AOPEP: variants seen among roughly 807,000 people sequenced by gnomAD.
AOPEP encodes the protein aminopeptidase O.
In AOPEP, 77 loss-of-function variants were observed where a neutral mutation model predicts 98.1. The observed-to-expected ratio is 0.78, with a 90% CI of 0.65 to 0.95. The LOEUF (loss-of-function observed/expected upper bound fraction) is 0.95, where lower values mean the gene tolerates loss of function less well. Among genes scored for constraint, AOPEP ranks in the 40% least tolerant of loss-of-function variants. The pLI is 0.00. For synonymous variants in AOPEP, 346 were observed against 365.3 expected, an observed-to-expected ratio of 0.95 and a Z score of 0.60; for missense variants, 1,024 against 1,024.7, an observed-to-expected ratio of 1.00 and a Z score of 0.01.
At chr9:94,971,088 A>G (rs1475471472) in intron 10 of AOPEP, among the ~76,000 whole-genome samples, 2 of 152,128 alleles carry the variant, frequency 1.3e-5, no homozygotes, top group African/African-American at 4.8e-5. Context: ...GTTCATTTGG[A>G]TGGCCCCTGA....
chr9:94,775,503 A>T (rs191275650), intron 3 of AOPEP, among the ~76,000 whole-genome samples: 1 of 151,906 alleles, frequency 6.6e-6, no homozygotes, highest in East Asian at 1.9e-4. Flanking sequence ...AGTAGCTGGG[A>T]CTACAGGCAT....
At chr9:94,888,464 G>A (rs1392875836) in intron 5 of AOPEP, among the ~76,000 whole-genome samples, 2 of 152,242 alleles carry the variant, frequency 1.3e-5, no homozygotes, top group South Asian at 2.1e-4. Flanking sequence ...ATCAAAACCA[G>A]CAAATTCACA....
At chr9:94,884,925 C>T (rs1369245559) in intron 5 of AOPEP, among the ~76,000 whole-genome samples, 3 of 148,742 alleles carry the variant, frequency 2.0e-5, no homozygotes, top group South Asian at 2.1e-4. Context: ...AGGAGAATGG[C>T]GTGAACCCGG....
chr9:95,006,026 T>G (rs1564512897), intron 13 of AOPEP: 2 of 475,116 alleles, frequency 4.2e-6, no homozygotes, highest in Non-Finnish European at 8.7e-6. Context: ...ATCTAAGAAA[T>G]AGAGAGAGAA....
chr9:94,742,213 A>G (rs2131966685), intron 1 of AOPEP, among the ~76,000 whole-genome samples: 1 of 152,278 alleles, frequency 6.6e-6, no homozygotes, highest in South Asian at 2.1e-4. Flanking sequence ...AAAGTTGATC[A>G]TTGATTGGGT....
intron 3 of AOPEP, among the ~76,000 whole-genome samples, chr9:94,788,440 C>T (rs537327029): frequency 5.2e-4 from 78 of 150,624 alleles, no homozygotes; most frequent in Non-Finnish European, 9.9e-4. Context: ...CTTATTATTT[C>T]TGTACATGTT....
intron 11 of AOPEP, among the ~76,000 whole-genome samples, chr9:94,992,492 G>C (rs531995396): frequency 8.1e-4 from 123 of 152,356 alleles, no homozygotes; most frequent in African/African-American, 2.6e-3. Flanking sequence ...AAGATTGGAG[G>C]CTGGGTAGAG....
chr9:94,969,447 G>A (rs1400735623), intron 10 of AOPEP, among the ~76,000 whole-genome samples: 1 of 142,630 alleles, frequency 7.0e-6, no homozygotes, highest in Non-Finnish European at 1.5e-5. Flanking sequence ...GTCTTACTCT[G>A]TCACCCAGGC....
At chr9:94,968,277 G>A (rs988507315) in intron 10 of AOPEP, among the ~76,000 whole-genome samples, 2 of 152,090 alleles carry the variant, frequency 1.3e-5, no homozygotes, top group Admixed American at 1.3e-4. Context: ...GAGATGGAGT[G>A]TCACTCTGTC....
chr9:95,082,483 G>T lies in AOPEP; in HGVS notation c.2320-92G>T, dbSNP rs142499823. 3.3e-4 allele frequency: 453 copies of T among 1,390,966 alleles called. No homozygotes were observed. The African/African-American group carries it at 5.6e-3, about 17-fold the overall frequency. The allele number at this position is 1,390,966 out of a possible 1,614,324, so 86.2% of individuals were successfully genotyped here. A position where few individuals can be genotyped will look rare whatever the true frequency, so the allele number is the denominator to read the frequency against. ...CTTTGCAATTTCTAGACCAGCAAGT[G>T]TGTGTGGAACAAGCACAGACTGAGC... On this transcript the variant is annotated intron_variant, in intron 15 of 16. Transcript: ENST00000375315.
At chr9:95,101,730 T>G in the AOPEP span, 18 of 1,613,972 alleles carry the variant, frequency 1.1e-5, no homozygotes, top group Non-Finnish European at 1.5e-5. Context: ...CGCAGCTCTT[T>G]AAGGAGCTCT....
chr9:94,736,400 T>G (rs1831784671), intron 1 of AOPEP, among the ~76,000 whole-genome samples: 2 of 152,340 alleles, frequency 1.3e-5, no homozygotes, highest in African/African-American at 2.4e-5. Flanking sequence ...ATAGTATTCT[T>G]TAGCATTTCT....
At chr9:94,991,273 A>C (rs2060877032) in intron 11 of AOPEP, among the ~76,000 whole-genome samples, 1 of 152,230 alleles carries the variant, frequency 6.6e-6, no homozygotes, top group Admixed American at 6.5e-5. Context: ...TGTGGTACCA[A>C]ATAGGTATAC....
intron 1 of AOPEP, among the ~76,000 whole-genome samples, chr9:94,731,985 A>G (rs1039633744): frequency 6.6e-6 from 1 of 151,714 alleles, no homozygotes; most frequent in Non-Finnish European, 1.5e-5. Context: ...GCGTTTCACC[A>G]TGTTGGCCAG....
intron 11 of AOPEP, among the ~76,000 whole-genome samples, chr9:94,989,494 C>A (rs1173151721): frequency 6.6e-6 from 1 of 152,036 alleles, no homozygotes; most frequent in Non-Finnish European, 1.5e-5. Flanking sequence ...CTTGGCCTCC[C>A]AAGGTGCTGG....
intron 5 of AOPEP, among the ~76,000 whole-genome samples, chr9:94,863,123 C>G (rs1391344970): frequency 6.6e-6 from 1 of 152,088 alleles, no homozygotes; most frequent in African/African-American, 2.4e-5. Flanking sequence ...AACAAGGGCA[C>G]AGGTAGAGAG....
intron 14 of AOPEP, among the ~76,000 whole-genome samples, chr9:95,079,688 A>G (rs892224600): frequency 6.6e-6 from 1 of 152,276 alleles, no homozygotes; most frequent in Non-Finnish European, 1.5e-5. Flanking sequence ...CAGGGCTGGC[A>G]TCGGACTCTT....
chr9:95,137,019 T>C, the AOPEP span, among the ~76,000 whole-genome samples: 2 of 152,008 alleles, frequency 1.3e-5, no homozygotes, highest in Admixed American at 6.5e-5. Flanking sequence ...CTTTTCAAAC[T>C]TGATGTCTAT....
At chr9:95,039,294 C>T (rs780396746) in intron 13 of AOPEP, among the ~76,000 whole-genome samples, 5 of 152,020 alleles carry the variant, frequency 3.3e-5, no homozygotes, top group Non-Finnish European at 7.4e-5. Context: ...TGGCCAGGTG[C>T]GGTGGCTCAT....
Sources: allele counts gnomAD v4.1 joint callset (sites outside exome capture counted in the v4.1 genomes callset), GRCh38; gene constraint gnomAD v4.1.1; transcripts MANE v1.5; gene names NCBI Gene and HGNC (gene_info 2026-07-23, HGNC 2026-07-21).